Variants in RHBDF1 observed in about 807,000 individuals in gnomAD.
RHBDF1 encodes the protein inactive rhomboid protein 1.
Under a neutral mutation model 98.6 loss-of-function variants are expected in RHBDF1, and 80 were observed. That is an observed-to-expected ratio of 0.81 (90% CI 0.68 to 0.98). The LOEUF (loss-of-function observed/expected upper bound fraction) is 0.98, where lower values mean the gene tolerates loss of function less well. RHBDF1 is among the 50% of genes least tolerant of loss of function. RHBDF1 has a pLI of 0.00. For missense variants in RHBDF1, 1,116 were observed against 1,198.3 expected (o/e 0.93, Z 1.01); for synonymous variants, 512 against 486.8 (o/e 1.05, Z -0.68).
At chr16:75,190 T>C (rs929638570), upstream of RHBDF1, among the ~76,000 whole-genome samples, 2 of 152,088 alleles carry the variant, frequency 1.3e-5, no homozygotes, top group African/African-American at 2.4e-5. Context: ...GAAATGGAAA[T>C]CAGCTGCAGT....
intron 11 of RHBDF1, 46 bp downstream of exon 11, chr16:61,074 G>T (rs1386203626): frequency 2.0e-6 from 3 of 1,504,104 alleles, no homozygotes; most frequent in Non-Finnish European, 2.7e-6. Flanking sequence ...TCTGAAGAGC[G>T]AACACCGGGC....
At position 61,222 on chromosome 16, in the gene RHBDF1, C is replaced by T. The variant is rs761323301; in HGVS notation, c.1455G>A (p.Val485=). The T allele has an allele frequency of 1.4e-5, 21 of 1,546,062 alleles. No homozygotes were observed. Among genetic ancestry groups the T allele is most frequent in the Non-Finnish European group, 1.5e-5 (17 of 1,145,472 alleles). ...FSPCMRQDPQ[V]HSFIRSARER... is the part of the protein sequence containing the mutation. ...CGCGCGCCGAGCGAATGAAGCTGTG[C>T]ACCTGCGGGTCCTGGCGCATGCAGG... The change falls in exon 11 of 18, where the codon GTG becomes GTA. Residue 485 remains valine, a synonymous_variant. Coordinates refer to ENST00000262316, the MANE Select transcript of RHBDF1 (RefSeq NM_022450.5).
At chr16:73,902 G>A (rs571597232), upstream of RHBDF1, 1 of 982,192 alleles carries the variant, frequency 1.0e-6, no homozygotes, top group East Asian at 1.1e-4. Context: ...TGAACTAAAG[G>A]TGCTGGTACA....
rs958748265 is a variant in RHBDF1 at position 65,047 on chromosome 16, G to T, written c.-24-8C>A. ...TGGCAGAGCAAGGCAGGCCTGCGGG[G>T]CATGGTGTGTTATTCAATAATGACA... On this transcript the variant is annotated splice_polypyrimidine_tract_variant and splice_region_variant and intron_variant, in intron 1 of 17. Coordinates refer to ENST00000262316, the MANE Select transcript of RHBDF1 (RefSeq NM_022450.5). 2.0e-6 allele frequency: 3 copies of T among 1,495,692 alleles called. No homozygotes were observed. The highest frequency in any genetic ancestry group is 2.7e-6 in the Non-Finnish European group (3 of 1,126,308). The allele number at this position is 1,495,692 out of a possible 1,614,324, so 92.7% of individuals were successfully genotyped here. A position where few individuals can be genotyped will look rare whatever the true frequency, so the allele number is the denominator to read the frequency against.
Position 64,882 on chromosome 16 carries a change from T to C in RHBDF1, c.117+17A>G. 6.2e-7 allele frequency: 1 copy of C among 1,613,678 alleles called. No individual in the cohort carries two copies. The highest frequency in any genetic ancestry group is 8.5e-7 in the Non-Finnish European group (1 of 1,179,800). ...CTGGACAGGGGGCACCCACAGTCCC[T>C]GCAGGCCAGGGCCTACCTGCAGGAA... On this transcript the variant is annotated intron_variant, in intron 2 of 17. Coordinates refer to ENST00000262316, the MANE Select transcript of RHBDF1 (RefSeq NM_022450.5).
intron 1 of RHBDF1, among the ~76,000 whole-genome samples, chr16:68,745 C>T (rs1378624735): frequency 6.6e-6 from 1 of 152,238 alleles, no homozygotes; most frequent in Non-Finnish European, 1.5e-5. Context: ...CTGACGTCCC[C>T]TCTGGCTGCC....
At chr16:67,087 G>T (rs1035804099) in intron 1 of RHBDF1, among the ~76,000 whole-genome samples, 5 of 152,210 alleles carry the variant, frequency 3.3e-5, no homozygotes, top group Non-Finnish European at 7.3e-5. Flanking sequence ...TATATGGACT[G>T]CAGTACCATC....
chr16:61,336 C>G, intron 10 of RHBDF1, 49 bp downstream of exon 10: 2 of 1,543,888 alleles, frequency 1.3e-6, no homozygotes, highest in Non-Finnish European at 1.7e-6. Flanking sequence ...CCCCGCCGGG[C>G]ACCTCCAGGT....
chr16:63,496 A>G, intron 4 of RHBDF1, 91 bp downstream of exon 4: 1 of 1,139,902 alleles, frequency 8.8e-7, no homozygotes, highest in South Asian at 1.5e-5. Flanking sequence ...GCTCCCAGAG[A>G]GTCCCTTCTG....
intron 1 of RHBDF1, among the ~76,000 whole-genome samples, chr16:68,670 C>T (rs745471098): frequency 3.3e-5 from 5 of 151,850 alleles, no homozygotes; most frequent in East Asian, 1.9e-4. Context: ...GGGGGGGCTG[C>T]GGGCAGGACT....
chr16:60,980 G>T (rs1470172768), intron 11 of RHBDF1, 140 bp downstream of exon 11: 2 of 880,406 alleles, frequency 2.3e-6, no homozygotes, highest in South Asian at 1.8e-5. Context: ...GAGGAGGAAT[G>T]AATATGACAA....
rs537801354 is a variant in RHBDF1 at position 72,366 on chromosome 16, T to TCCCCGG, written c.-25+141_-25+146dup. ...CCCGGGGGGGCCTCGCCGCGACCCC[T>TCCCCGG]CCCCGGCCCCGGCCCCGGCCCCGAC... On this transcript the variant is annotated intron_variant, in intron 1 of 17. Transcript: ENST00000262316. The TCCCCGG allele has an allele frequency of 8.0e-3, 2,045 of 256,206 alleles. 39 individuals are homozygous for TCCCCGG. The highest frequency in any genetic ancestry group is 0.042 in the African/African-American group (1,794 of 42,858). The allele number at this position is 256,206 out of a possible 1,614,324, so 15.9% of individuals were successfully genotyped here.
chr16:61,436 G>A lies in RHBDF1; in HGVS notation c.1344C>T (p.Tyr448=). ...VDSVLRNRGV[Y]ENVKYVQQEN... The stretch of plus-strand genomic sequence containing the variant: ...CCTGCTGCACGTACTTGACGTTCTC[G>A]TAGACCCCGCGGTTCCGCAGCACCT... The change falls in exon 10 of 18, where the codon TAC becomes TAT. Residue 448 remains tyrosine, a synonymous_variant. Coordinates refer to ENST00000262316, the MANE Select transcript of RHBDF1 (RefSeq NM_022450.5). 1 of 1,612,480 alleles carries A rather than the reference G, an allele frequency of 6.2e-7. No individual in the cohort carries two copies. Among genetic ancestry groups the A allele is most frequent in the Non-Finnish European group, 8.5e-7 (1 of 1,179,824 alleles).
Position 63,168 on chromosome 16 carries a change from C to T in RHBDF1, c.477G>A (p.Leu159=). Residue 159 remains leucine (L), a synonymous_variant, in exon 5 of 18, where the codon CTG becomes CTA. Coordinates refer to ENST00000262316, the MANE Select transcript of RHBDF1 (RefSeq NM_022450.5). The part of the protein sequence containing the change: ...QLGMQKIIDP[L]ARGRAFRVAD... ...CCACACGGAAGGCACGGCCACGGGCCAGGGGGTCTATGATCTGGAGGAGGG... is the reference window on the plus strand; with the variant it reads ...CCACACGGAAGGCACGGCCACGGGCTAGGGGGTCTATGATCTGGAGGAGGG... 1 of 1,578,040 alleles carries T rather than the reference C, an allele frequency of 6.3e-7. No homozygotes were observed. The highest frequency in any genetic ancestry group is 8.6e-7 in the Non-Finnish European group (1 of 1,162,608).
At chr16:72,694 C>T (rs1898011047), upstream of RHBDF1, 1 of 980,892 alleles carries the variant, frequency 1.0e-6, no homozygotes, top group African/African-American at 1.8e-5. Context: ...CGCGCTGACT[C>T]AGAGCTCAGG....
At chr16:72,988 C>T (rs1004604648), upstream of RHBDF1, among the ~76,000 whole-genome samples, 2 of 152,178 alleles carry the variant, frequency 1.3e-5, no homozygotes, top group East Asian at 1.9e-4. Flanking sequence ...GGTGTGTATC[C>T]CTGGCTCCCC....
rs779902644 is a variant in RHBDF1 at position 59,490 on chromosome 16, C to G, written c.1822G>C (p.Glu608Gln). 5 of 1,613,256 alleles carry G rather than the reference C, an allele frequency of 3.1e-6. No individual in the cohort carries two copies. Among genetic ancestry groups the G allele is most frequent in the Non-Finnish European group, 3.4e-6 (4 of 1,179,852 alleles). The part of the protein sequence containing the change: ...PCCIGTKGRC[E>Q]ITSREYCDFM... ...TCACAGTACTCCCGGGAGGTGATCT[C>G]ACACCTAGAAAGGCAGGCCAGGGTT... Residue 608 changes from glutamate to glutamine, a missense_variant, in exon 15 of 18, where the codon GAG (glutamate) becomes CAG (glutamine). Transcript: ENST00000262316.
Position 62,870 on chromosome 16 carries a change from G to C in RHBDF1, c.700C>G (p.Arg234Gly). The change falls in exon 6 of 18, where the codon CGC becomes GGC. Residue 234 changes from arginine to glycine, a missense_variant. Physicochemically the swap from Arg to Gly is moderately radical, Grantham distance 125. Coordinates refer to ENST00000262316, the MANE Select transcript of RHBDF1 (RefSeq NM_022450.5). ...KGRSVRDGTF[R>G]RAQRRSFTPA... Reference sequence around the variant, plus strand: ...GTGAAGCTTCGACGCTGTGCCCGGCGAAAGGTGCCATCCCTAACGGAGCGG... The same window carrying C: ...GTGAAGCTTCGACGCTGTGCCCGGCCAAAGGTGCCATCCCTAACGGAGCGG... 1 of 1,613,944 alleles carries C rather than the reference G, an allele frequency of 6.2e-7. No homozygotes were observed. The highest frequency in any genetic ancestry group is 8.5e-7 in the Non-Finnish European group (1 of 1,179,980).
In RHBDF1 at chr16:58,442, G is replaced by A; in HGVS notation, c.2466C>T (p.Phe822=). ...LGLLAGLVVL[F]YVYPVRCEWC... Reference sequence around the variant, plus strand: ...ACTCACAGCGGACAGGATAGACGTAGAAGAGGACCACCAGGCCAGCCAGGA... The same window carrying A: ...ACTCACAGCGGACAGGATAGACGTAAAAGAGGACCACCAGGCCAGCCAGGA... Residue 822 remains phenylalanine, a synonymous_variant, in exon 18 of 18, where the codon TTC becomes TTT. Transcript: ENST00000262316. The A allele has an allele frequency of 6.2e-7, 1 of 1,614,074 alleles. No homozygotes were observed. The highest frequency in any genetic ancestry group is 8.5e-7 in the Non-Finnish European group (1 of 1,180,032).
Sources: gnomAD v4.1 joint callset for allele counts (sites outside exome capture counted in the v4.1 genomes callset) on GRCh38, gnomAD v4.1.1 for gene constraint, MANE v1.5 for transcripts, NCBI Gene and HGNC (gene_info 2026-07-23, HGNC 2026-07-21) for gene names.